CD96: variants seen among roughly 807,000 people sequenced by gnomAD.
The protein encoded by CD96 is T-cell surface protein tactile.
CD96 carries 70 observed loss-of-function variants against 71.3 expected under a neutral mutation model. The ratio of observed to expected loss-of-function variants is 0.98; its 90% CI spans 0.81 to 1.20. CD96 has a LOEUF of 1.20. Among genes scored for constraint, CD96 ranks in the 50% most tolerant of loss-of-function variants. The pLI is 0.00. For missense variants in CD96, 742 were observed against 677.5 expected (o/e 1.10, Z -1.06); for synonymous variants, 248 against 233.0 (o/e 1.06, Z -0.59).
At chr3:111,546,508 C>T (rs1934403128) in intron 2 of CD96, among the ~76,000 whole-genome samples, 1 of 152,088 alleles carries the variant, frequency 6.6e-6, no homozygotes, top group Admixed American at 6.6e-5. Flanking sequence ...GGTGTAAATT[C>T]TCTGAGCCCA....
At chr3:111,610,678 C>T (rs982364541) in intron 8 of CD96, among the ~76,000 whole-genome samples, 5 of 152,144 alleles carry the variant, frequency 3.3e-5, no homozygotes, top group African/African-American at 7.2e-5. Context: ...GCATTCTCAG[C>T]GCAGTTCAAG....
chr3:111,567,312 T>C (rs1015180572), intron 2 of CD96, among the ~76,000 whole-genome samples: 3 of 152,186 alleles, frequency 2.0e-5, no homozygotes, highest in Non-Finnish European at 4.4e-5. Context: ...TTGTAATTTT[T>C]CAGTGTTTAG....
chr3:111,573,398 C>T lies in CD96; in HGVS notation c.544-5629C>T, dbSNP rs78579114. On this transcript the variant is annotated intron_variant, in intron 3 of 13. Coordinates refer to ENST00000352690, the MANE Select transcript of CD96 (RefSeq NM_005816.5). ...ACACCTTTAATAAAAATGTTAAAAA[C>T]GGCAGCATGGGGAAAATAGTTCAAT... 2.2e-3 allele frequency among the ~76,000 whole-genome samples: 334 copies of T among 152,146 alleles called. 2 individuals are homozygous for T. The highest frequency in any genetic ancestry group is 3.3e-3 in the Non-Finnish European group (221 of 67,980).
chr3:111,647,670 A>G lies in CD96; in HGVS notation c.1601+4A>G. ...GGTGTCAGTACCAAAAAGAAATGTG[A>G]GTATAATACTAACATATGTAGGAAC... On this transcript the variant is annotated splice_donor_region_variant and intron_variant, in intron 13 of 13. Coordinates refer to ENST00000352690, the MANE Select transcript of CD96 (RefSeq NM_005816.5). 1.3e-6 allele frequency: 2 copies of G among 1,594,452 alleles called. No homozygotes were observed. Among genetic ancestry groups the G allele is most frequent in the South Asian group, 1.1e-5 (1 of 90,652 alleles).
At chr3:111,598,089 G>A (rs1330664894) in intron 5 of CD96, 31 bp from the exon 6 acceptor site, 2 of 951,378 alleles carry the variant, frequency 2.1e-6, no homozygotes, top group Non-Finnish European at 3.5e-6. Flanking sequence ...TTAGGAATTT[G>A]CAAATAATCC....
At chr3:111,617,342 A>G (rs1938293371) in intron 8 of CD96, among the ~76,000 whole-genome samples, 1 of 152,206 alleles carries the variant, frequency 6.6e-6, no homozygotes, top group African/African-American at 2.4e-5. Context: ...CATGGATATG[A>G]GTAATAACTT....
chr3:111,543,151 T>G (rs768890643), intron 1 of CD96, among the ~76,000 whole-genome samples: 4 of 152,214 alleles, frequency 2.6e-5, no homozygotes, highest in Non-Finnish European at 4.4e-5. Context: ...TAATTCCCAT[T>G]TGTCAAGTAC....
At chr3:111,588,983 C>T in intron 5 of CD96, among the ~76,000 whole-genome samples, 1 of 145,206 alleles carries the variant, frequency 6.9e-6, no homozygotes, top group African/African-American at 2.6e-5. Flanking sequence ...ATGAGTCTCA[C>T]TCTGTCACCC....
chr3:111,578,092 A>G (rs1195601265), intron 3 of CD96, among the ~76,000 whole-genome samples: 1 of 152,210 alleles, frequency 6.6e-6, no homozygotes, highest in Non-Finnish European at 1.5e-5. Context: ...AAGCAGCTCA[A>G]CTGAGAATGT....
At chr3:111,567,887 A>G (rs1559725396) in intron 3 of CD96, among the ~76,000 whole-genome samples, 1 of 152,178 alleles carries the variant, frequency 6.6e-6, no homozygotes, top group Non-Finnish European at 1.5e-5. Flanking sequence ...ATTGATTTTT[A>G]CTTCTATCTA....
intron 5 of CD96, among the ~76,000 whole-genome samples, chr3:111,596,758 T>C (rs907917103): frequency 1.3e-5 from 2 of 152,208 alleles, no homozygotes; most frequent in African/African-American, 4.8e-5. Flanking sequence ...TAAGAATGTA[T>C]TTTAGAGGAT....
At chr3:111,598,775 C>T (rs1270398034) in intron 6 of CD96, among the ~76,000 whole-genome samples, 1 of 152,130 alleles carries the variant, frequency 6.6e-6, no homozygotes, top group East Asian at 1.9e-4. Context: ...CACATCAAGA[C>T]AAGCTCAGGT....
chr3:111,556,491 G>C (rs1389421993), intron 2 of CD96, among the ~76,000 whole-genome samples: 1 of 121,606 alleles, frequency 8.2e-6, no homozygotes, highest in East Asian at 2.4e-4. Flanking sequence ...TACTGAGAAA[G>C]ATGATTTCCA....
chr3:111,590,640 C>T (rs990515190), intron 5 of CD96, among the ~76,000 whole-genome samples: 3 of 152,182 alleles, frequency 2.0e-5, no homozygotes, highest in Non-Finnish European at 2.9e-5. Context: ...CAAGATTTTG[C>T]CAGGGCTCCA....
At chr3:111,580,446 G>A (rs1178758668) in intron 4 of CD96, among the ~76,000 whole-genome samples, 2 of 98,746 alleles carry the variant, frequency 2.0e-5, no homozygotes, top group African/African-American at 7.4e-5. Flanking sequence ...GAGAAAAGCA[G>A]TGAGGTGGAT....
At chr3:111,639,990 C>T (rs1053725555) in intron 12 of CD96, among the ~76,000 whole-genome samples, 3 of 152,164 alleles carry the variant, frequency 2.0e-5, no homozygotes, top group African/African-American at 7.2e-5. Flanking sequence ...CAGCCTTCAG[C>T]CCTAGACCTT....
intron 8 of CD96, among the ~76,000 whole-genome samples, chr3:111,613,747 C>T (rs777091365): frequency 3.3e-5 from 5 of 152,124 alleles, no homozygotes; most frequent in Non-Finnish European, 7.3e-5. Flanking sequence ...GAATGAAAGG[C>T]CCAATGGAAA....
chr3:111,551,536 A>G (rs1934704425), intron 2 of CD96, among the ~76,000 whole-genome samples: 11 of 152,184 alleles, frequency 7.2e-5, no homozygotes. Context: ...TCATTGTAAC[A>G]GTATTAAGAC....
At chr3:111,571,115 G>C (rs918734474) in intron 3 of CD96, 8 of 732,950 alleles carry the variant, frequency 1.1e-5, no homozygotes, top group Non-Finnish European at 1.7e-5. Flanking sequence ...CTGAATCCAG[G>C]GTTACAGCAC....
Sources: gnomAD v4.1 joint callset for allele counts (sites outside exome capture counted in the v4.1 genomes callset) on GRCh38, gnomAD v4.1.1 for gene constraint, MANE v1.5 for transcripts, NCBI Gene and HGNC (gene_info 2026-07-23, HGNC 2026-07-21) for gene names.